ITGAE: variants seen among roughly 807,000 people sequenced by gnomAD.
ITGAE encodes the protein integrin alpha-E.
In ITGAE, 99 loss-of-function variants were observed where a neutral mutation model predicts 136.5. The ratio of observed to expected loss-of-function variants is 0.73; its 90% CI spans 0.62 to 0.86. ITGAE has a LOEUF of 0.86. Among genes scored for constraint, ITGAE ranks in the 40% least tolerant of loss-of-function variants. The pLI is 0.00. For synonymous variants in ITGAE, 613 were observed against 591.8 expected (o/e 1.04, Z -0.52); for missense variants, 1,447 against 1,515.3 (o/e 0.95, Z 0.75).
chr17:3,731,317 C>G (rs374706391), intron 22 of ITGAE, 134 bp from the exon 23 acceptor site: 1 of 621,266 alleles, frequency 1.6e-6, no homozygotes, highest in African/African-American at 1.8e-5. Flanking sequence ...TCTAACACAG[C>G]ATGTTTCCTT....
At chr17:3,739,470 C>G (rs1417143083) in intron 20 of ITGAE, among the ~76,000 whole-genome samples, 1 of 152,134 alleles carries the variant, frequency 6.6e-6, no homozygotes, top group Non-Finnish European at 1.5e-5. Context: ...TTACCTCTAA[C>G]TGAGGTAGAG....
chr17:3,734,219 C>T (rs977391131), intron 21 of ITGAE, among the ~76,000 whole-genome samples: 16 of 139,158 alleles, frequency 1.1e-4, no homozygotes, highest in African/African-American at 3.7e-4. Flanking sequence ...TACAGGCACC[C>T]GCCATCGCGC....
intron 15 of ITGAE, 38 bp from the exon 16 acceptor site, chr17:3,750,520 G>A: frequency 6.2e-7 from 1 of 1,612,686 alleles, no homozygotes; most frequent in South Asian, 1.1e-5. Context: ...GGCGAGGGAA[G>A]GGAGGGAAAC....
At chr17:3,768,228 G>A (rs937894337) in intron 2 of ITGAE, among the ~76,000 whole-genome samples, 3 of 152,116 alleles carry the variant, frequency 2.0e-5, no homozygotes, top group South Asian at 4.2e-4. Context: ...AGGCTCAAGC[G>A]ATCCTCCCAC....
intron 22 of ITGAE, among the ~76,000 whole-genome samples, chr17:3,731,437 G>C (rs529351485): frequency 6.6e-6 from 1 of 150,792 alleles, no homozygotes; most frequent in Non-Finnish European, 1.5e-5. Flanking sequence ...TGCCTCCCAG[G>C]TTCAAGCAAT....
At chr17:3,733,611 G>A (rs1264216465) in intron 21 of ITGAE, among the ~76,000 whole-genome samples, 3 of 151,986 alleles carry the variant, frequency 2.0e-5, no homozygotes, top group African/African-American at 7.3e-5. Flanking sequence ...AGTAGAGACG[G>A]GGTTTTGCCA....
At chr17:3,756,945 T>C in intron 10 of ITGAE, 39 bp downstream of exon 10, 1 of 1,584,114 alleles carries the variant, frequency 6.3e-7, no homozygotes, top group Non-Finnish European at 8.6e-7. Context: ...GAGCATAGGC[T>C]CGGGCCTCCT....
intron 10 of ITGAE, among the ~76,000 whole-genome samples, chr17:3,756,288 C>CCATG (rs1182104864): frequency 7.0e-6 from 1 of 142,834 alleles, no homozygotes; most frequent in East Asian, 2.1e-4. Flanking sequence ...GGCTGGAGTG[C>CCATG]CATGGCTCAA....
intron 1 of ITGAE, among the ~76,000 whole-genome samples, chr17:3,779,806 A>AT (rs942521638): frequency 6.6e-6 from 1 of 152,184 alleles, no homozygotes; most frequent in South Asian, 2.1e-4. Flanking sequence ...TTCATTTAAA[A>AT]TTTTTTGGGG....
intron 1 of ITGAE, among the ~76,000 whole-genome samples, chr17:3,785,801 AAG>A (rs574802498): frequency 8.4e-4 from 128 of 152,134 alleles, no homozygotes; most frequent in African/African-American, 3.0e-3. Context: ...AGAAAAAAAA[AAG>A]AGAACACACA....
chr17:3,780,653 G>A (rs915045772), intron 1 of ITGAE, among the ~76,000 whole-genome samples: 5 of 151,736 alleles, frequency 3.3e-5, no homozygotes, highest in African/African-American at 9.7e-5. Flanking sequence ...AGCTGGTCTC[G>A]AACTCCCGAC....
intron 29 of ITGAE, 40 bp from the exon 30 acceptor site, chr17:3,716,838 G>A (rs921915599): frequency 8.5e-7 from 1 of 1,182,560 alleles, no homozygotes; most frequent in Admixed American, 1.8e-5. Context: ...ATCAGGTGAA[G>A]CAAACAAGGA....
At chr17:3,728,692 C>T (rs996052009) in intron 24 of ITGAE, among the ~76,000 whole-genome samples, 2 of 150,312 alleles carry the variant, frequency 1.3e-5, no homozygotes, top group Admixed American at 6.7e-5. Flanking sequence ...TGAATGAACT[C>T]GACTGCTTTC....
At chr17:3,762,189 T>A (rs144296498) in intron 3 of ITGAE, among the ~76,000 whole-genome samples, 2 of 152,324 alleles carry the variant, frequency 1.3e-5, no homozygotes, top group East Asian at 3.9e-4. Flanking sequence ...CCGGGGCTCA[T>A]TTGCTGACCC....
In ITGAE at chr17:3,714,776, A is replaced by G; in HGVS notation, c.*71T>C. ...TGCTCTAGATCATCCTGAAGGAAAA[A>G]GTAATGCAAAGGATGCTGGGTCTCC... On this transcript the variant is annotated 3_prime_UTR_variant, in exon 31 of 31. Coordinates refer to ENST00000263087, the MANE Select transcript of ITGAE (RefSeq NM_002208.5). The G allele has an allele frequency of 3.6e-6, 3 of 838,494 alleles. No homozygotes were observed. In the Admixed American group the frequency reaches 6.3e-5, roughly 18 times the overall value. The allele number at this position is 838,494 out of a possible 1,614,324, so 51.9% of individuals were successfully genotyped here. A position where few individuals can be genotyped will look rare whatever the true frequency, so the allele number is the denominator to read the frequency against.
At chr17:3,731,334 CCTTTTTTTTTTT>C (rs2143010604) in intron 22 of ITGAE, 151 bp from the exon 23 acceptor site, 1 of 440,444 alleles carries the variant, frequency 2.3e-6, no homozygotes, top group Non-Finnish European at 4.0e-6. Flanking sequence ...CCTTTCCCTT[CCTTTTTTTTTTT>C]TTTTTTTTTT....
intron 1 of ITGAE, among the ~76,000 whole-genome samples, chr17:3,788,442 A>G (rs940098988): frequency 1.4e-5 from 2 of 143,748 alleles, no homozygotes; most frequent in Non-Finnish European, 3.0e-5. Flanking sequence ...GGCCTGTGCC[A>G]CCAGACCTGA....
At chr17:3,769,608 T>A (rs1041266673) in intron 2 of ITGAE, among the ~76,000 whole-genome samples, 1 of 152,256 alleles carries the variant, frequency 6.6e-6, no homozygotes, top group Non-Finnish European at 1.5e-5. Context: ...AGGGGCCCTG[T>A]TACACCCTGA....
chr17:3,771,544 T>TC (rs1278900358), intron 2 of ITGAE, among the ~76,000 whole-genome samples: 8 of 150,560 alleles, frequency 5.3e-5, no homozygotes, highest in Non-Finnish European at 8.9e-5. Context: ...CTTTTTTTTT[T>TC]TTTTTTTTTT....
Sources: gnomAD v4.1 joint callset for allele counts (sites outside exome capture counted in the v4.1 genomes callset) on GRCh38, gnomAD v4.1.1 for gene constraint, MANE v1.5 for transcripts, NCBI Gene and HGNC (gene_info 2026-07-23, HGNC 2026-07-21) for gene names.